NIPBL: variants seen among roughly 807,000 people sequenced by gnomAD.
The protein encoded by NIPBL is NIPBL cohesin loading factor, also known as nipped-B-like protein.
In NIPBL, 19 loss-of-function variants were observed where a neutral mutation model predicts 321.8. The ratio of observed to expected loss-of-function variants is 0.06; its 90% confidence interval spans 0.04 to 0.09. The LOEUF (loss-of-function observed/expected upper bound fraction) is 0.09, where lower values mean the gene tolerates loss of function less well. NIPBL is among the 10% of genes least tolerant of loss of function. The pLI is 1.00. For missense variants in NIPBL, 2,210 were observed against 3,327.0 expected (o/e 0.66, Z 8.26); for synonymous variants, 1,106 against 1,114.1 (o/e 0.99, Z 0.14).
chr5:37,027,544 A>G, intron 32 of NIPBL, 132 bp downstream of exon 32: 1 of 662,398 alleles, frequency 1.5e-6, no homozygotes, highest in East Asian at 2.8e-5. Context: ...AATTTATTTC[A>G]ATATGTTAGG....
At chr5:37,061,613 A>G (rs1754683741) in intron 45 of NIPBL, among the ~76,000 whole-genome samples, 1 of 152,172 alleles carries the variant, frequency 6.6e-6, no homozygotes, top group Middle Eastern at 3.2e-3. Context: ...TGAGAGGCAG[A>G]GGTTACAGTG....
intron 1 of NIPBL, among the ~76,000 whole-genome samples, chr5:36,923,828 A>C (rs1749141033): frequency 6.6e-6 from 1 of 152,210 alleles, no homozygotes; most frequent in Admixed American, 6.5e-5. Context: ...AAGTTCATAT[A>C]TAATATGATA....
chr5:36,891,194 G>A (rs1192280500), intron 1 of NIPBL, among the ~76,000 whole-genome samples: 1 of 152,144 alleles, frequency 6.6e-6, no homozygotes, highest in Non-Finnish European at 1.5e-5. Flanking sequence ...GAACCCGGGA[G>A]GCAGAGCTTG....
chr5:37,051,709 G>C (rs750758712), intron 40 of NIPBL, 70 bp from the exon 41 acceptor site: 3 of 1,030,544 alleles, frequency 2.9e-6, no homozygotes, highest in Non-Finnish European at 4.6e-6. Context: ...TATATGAAAA[G>C]TTTTGACATA....
chr5:37,025,601 C>T (rs1750172266), intron 30 of NIPBL, among the ~76,000 whole-genome samples: 1 of 151,922 alleles, frequency 6.6e-6, no homozygotes, highest in Admixed American at 6.6e-5. Flanking sequence ...TTCAGTAGCA[C>T]AATAGGGTGA....
At chr5:36,896,722 C>T (rs1746770029) in intron 1 of NIPBL, among the ~76,000 whole-genome samples, 2 of 152,070 alleles carry the variant, frequency 1.3e-5, no homozygotes, top group African/African-American at 4.8e-5. Flanking sequence ...TCCTTAGCCT[C>T]CGAGTAGCTG....
rs766738333 is a variant in NIPBL at position 36,955,583 on chromosome 5, A to G, written c.176A>G (p.Asp59Gly). Residue 59 changes from aspartate (D) to glycine (G), a missense_variant, in exon 3 of 47, where the codon GAC becomes GGC. Physicochemically the swap from Asp to Gly is moderately conservative, Grantham distance 94. Around this residue, in one of 14 missense-constraint regions of NIPBL, gnomAD observed 464 missense variants for 529.5 expected, o/e 0.88. Transcript: ENST00000282516. Reference sequence around the variant, plus strand: ...AACTGCCTTTTGGCTTGTAGGGATGACAATTTGGTTTCACAGCTTGTCCAT... The same window carrying G: ...AACTGCCTTTTGGCTTGTAGGGATGGCAATTTGGTTTCACAGCTTGTCCAT... ...EVNCLLACRD[D>G]NLVSQLVHSL... 7 of 1,614,110 alleles carry G rather than the reference A, an allele frequency of 4.3e-6. No homozygotes were observed. The highest frequency in any genetic ancestry group is 5.1e-6 in the Non-Finnish European group (6 of 1,179,986).
chr5:37,007,275 A>G (rs1210704626), intron 17 of NIPBL, 48 bp from the exon 18 acceptor site: 1 of 1,536,026 alleles, frequency 6.5e-7, no homozygotes, highest in Admixed American at 1.7e-5. Flanking sequence ...TTTATTAAAA[A>G]TTATTAAAAG....
intron 1 of NIPBL, among the ~76,000 whole-genome samples, chr5:36,899,070 T>A (rs1747007914): frequency 6.6e-6 from 1 of 152,220 alleles, no homozygotes; most frequent in Non-Finnish European, 1.5e-5. Flanking sequence ...ATTGTTGTAA[T>A]GCTGCTGTAT....
intron 16 of NIPBL, among the ~76,000 whole-genome samples, chr5:37,004,571 A>G (rs1251359292): frequency 6.6e-6 from 1 of 151,884 alleles, no homozygotes; most frequent in African/African-American, 2.4e-5. Flanking sequence ...TGCCTGGCCA[A>G]TTATTTAAAA....
At chr5:37,018,907 A>G (rs772688600) in intron 24 of NIPBL, among the ~76,000 whole-genome samples, 7 of 152,154 alleles carry the variant, frequency 4.6e-5, no homozygotes, top group Non-Finnish European at 1.0e-4. Context: ...GTTCGAGATC[A>G]GCTTAGCCAA....
At chr5:37,020,396 T>G (rs1561169030) in intron 25 of NIPBL, 63 bp from the exon 26 acceptor site, 1 of 1,161,038 alleles carries the variant, frequency 8.6e-7, no homozygotes, top group African/African-American at 1.5e-5. Context: ...CACTCTAACT[T>G]TATTAACTTG....
intron 10 of NIPBL, among the ~76,000 whole-genome samples, chr5:36,994,046 C>T (rs906648018): frequency 1.5e-4 from 23 of 152,116 alleles, no homozygotes; most frequent in African/African-American, 5.6e-4. Flanking sequence ...AGGTGCAGAA[C>T]GTGTTCAGTT....
In NIPBL at chr5:37,044,386, A is replaced by C; in HGVS notation, c.6148A>C (p.Ile2050Leu). 6.2e-7 allele frequency: 1 copy of C among 1,614,004 alleles called. No individual in the cohort carries two copies. Among genetic ancestry groups the C allele is most frequent in the Non-Finnish European group, 8.5e-7 (1 of 1,179,938 alleles). ...CATGGTTATCTGCAATGTTGCAAAA[A>C]TCCTAGAGCTAGTTGTACCACTGAT... ...DFMVICNVAK[I>L]LELVVPLMEH... The change falls in exon 35 of 47, where the codon ATC (isoleucine) becomes CTC (leucine). Residue 2050 changes from isoleucine to leucine, a missense_variant. Transcript: ENST00000282516.
chr5:36,954,556 G>A (rs1440649480), intron 2 of NIPBL, among the ~76,000 whole-genome samples: 1 of 152,094 alleles, frequency 6.6e-6, no homozygotes, highest in Non-Finnish European at 1.5e-5. Context: ...CTTTGTTGTA[G>A]GTAAGGCATA....
At position 37,064,630 on chromosome 5, in the gene NIPBL, A is replaced by G. The variant is rs755884239; in HGVS notation, c.8153A>G (p.Tyr2718Cys). Residue 2718 changes from tyrosine (Y) to cysteine (C), a missense_variant, in exon 47 of 47, where the codon TAC becomes TGC. Tyr to Cys is a radical substitution (Grantham distance 194). Around this residue, in one of 14 missense-constraint regions of NIPBL, gnomAD observed 159 missense variants for 319.2 expected, o/e 0.50. Transcript: ENST00000282516. ...MDVIAICCPK[Y>C]KDRPQIARVV... ...GTCATCGCTATTTGCTGTCCAAAGT[A>G]CAAAGATCGACCACAAATTGCAAGA... 6.2e-7 allele frequency: 1 copy of G among 1,614,078 alleles called. No homozygotes were observed. Among genetic ancestry groups the G allele is most frequent in the Non-Finnish European group, 8.5e-7 (1 of 1,180,042 alleles).
intron 42 of NIPBL, among the ~76,000 whole-genome samples, chr5:37,056,207 A>T (rs1432264472): frequency 6.6e-6 from 1 of 152,162 alleles, no homozygotes; most frequent in Non-Finnish European, 1.5e-5. Flanking sequence ...GGGTGTTGAT[A>T]CATATTGTAA....
intron 32 of NIPBL, among the ~76,000 whole-genome samples, chr5:37,032,825 A>G (rs1561188411): frequency 6.6e-6 from 1 of 152,038 alleles, no homozygotes; most frequent in Non-Finnish European, 1.5e-5. Context: ...GTCGTTAGAG[A>G]GTGTTCATGA....
At chr5:37,015,122 A>ATT (rs376269954) in intron 22 of NIPBL, among the ~76,000 whole-genome samples, 4 of 144,448 alleles carry the variant, frequency 2.8e-5, no homozygotes, top group African/African-American at 5.1e-5. Flanking sequence ...CTCCATATGA[A>ATT]TTTTTTTTTT....
Sources: gnomAD v4.1 joint callset for allele counts (sites outside exome capture counted in the v4.1 genomes callset) on GRCh38, gnomAD v4.1.1 for gene constraint, gnomAD v4.1.1 regional missense constraint, MANE v1.5 for transcripts, NCBI Gene and HGNC (gene_info 2026-07-23, HGNC 2026-07-21) for gene names.